UTP15: variants seen among roughly 807,000 people sequenced by gnomAD.
The protein encoded by UTP15 is UTP15 small subunit processome component.
In UTP15, 5 loss-of-function variants were observed where a neutral mutation model predicts 59.1. The ratio of observed to expected loss-of-function variants is 0.08; its 90% CI spans 0.04 to 0.18. The LOEUF (loss-of-function observed/expected upper bound fraction) is 0.18, where lower values mean the gene tolerates loss of function less well. Among genes scored for constraint, UTP15 ranks in the 10% least tolerant of loss-of-function variants. UTP15 has a pLI of 1.00. For missense variants in UTP15, 494 were observed against 616.7 expected (o/e 0.80, Z 2.11); for synonymous variants, 211 against 212.2 (o/e 0.99, Z 0.05).
At chr5:73,568,206 C>G in intron 2 of UTP15, 29 bp from the exon 3 acceptor site, 1 of 1,530,718 alleles carries the variant, frequency 6.5e-7, no homozygotes, top group Non-Finnish European at 8.9e-7. Flanking sequence ...AGTGGTAACT[C>G]TGTTAACACA....
In UTP15 at chr5:73,565,876, C is replaced by G. The variant is rs1217378774; in HGVS notation, c.-120C>G. 1 of 456,272 alleles carries G rather than the reference C, an allele frequency of 2.2e-6. No homozygotes were observed. The highest frequency in any genetic ancestry group is 1.5e-5 in the South Asian group (1 of 64,566). 28.3% of individuals were successfully genotyped at this position (456,272 alleles called of 1,614,324 possible). ...ACAGTCCGATTAATTGTCCTTGGGT[C>G]GAGGTGTCTCGTCGGACCCTTTGGG... On this transcript the variant is annotated 5_prime_UTR_variant, in exon 1 of 13. Coordinates refer to ENST00000296792, the MANE Select transcript of UTP15 (RefSeq NM_032175.4).
chr5:73,579,014 T>C lies in UTP15; in HGVS notation c.1147-3T>C. 1 of 1,606,818 alleles carries C rather than the reference T, an allele frequency of 6.2e-7. No individual in the cohort carries two copies. The highest frequency in any genetic ancestry group is 8.5e-7 in the Non-Finnish European group (1 of 1,175,200). The stretch of plus-strand genomic sequence containing the variant: ...CTCATGTTGACTTTGAAAATTTTTC[T>C]AGCCCACTTGTACAATAAAGACACC... On this transcript the variant is annotated splice_polypyrimidine_tract_variant and splice_region_variant and intron_variant, in intron 10 of 12. Coordinates refer to ENST00000296792, the MANE Select transcript of UTP15 (RefSeq NM_032175.4).
intron 2 of UTP15, 97 bp from the exon 3 acceptor site, chr5:73,568,138 C>A: frequency 2.2e-6 from 2 of 897,790 alleles, no homozygotes; most frequent in Non-Finnish European, 1.6e-6. Context: ...AGAAATGTTA[C>A]TAAGAACAAA....
At chr5:73,572,665 A>G in intron 7 of UTP15, 41 bp downstream of exon 7, 6 of 1,571,348 alleles carry the variant, frequency 3.8e-6, no homozygotes, top group Non-Finnish European at 5.2e-6. Flanking sequence ...ATTAGTGTAC[A>G]CCTGTTTACT....
rs772429935 is a variant in UTP15, at chr5:73,579,319, A to C, written c.1283A>C (p.Asn428Thr). The change falls in exon 12 of 13, where the codon AAT (asparagine) becomes ACT (threonine). Residue 428 changes from asparagine (N) to threonine (T), a missense_variant and splice_region_variant. Transcript: ENST00000296792. ...TAAACTGAATTTTTACTTTGTAGGAATCTTTCTCAGCCAAGATTTGCCCCT... is the reference window on the plus strand; with the variant it reads ...TAAACTGAATTTTTACTTTGTAGGACTCTTTCTCAGCCAAGATTTGCCCCT... Reference protein sequence around the residue: ...ISHVLNFLIRNLSQPRFAPVL... With the variant: ...ISHVLNFLIRTLSQPRFAPVL... The C allele has an allele frequency of 5.6e-6, 9 of 1,608,962 alleles. No individual in the cohort carries two copies. The highest frequency in any genetic ancestry group is 6.8e-6 in the Non-Finnish European group (8 of 1,178,452).
chr5:73,578,744 A>T lies in UTP15; in HGVS notation c.1045-7A>T, dbSNP rs1359903199. On this transcript the variant is annotated splice_region_variant and splice_polypyrimidine_tract_variant and intron_variant, in intron 9 of 12. Coordinates refer to ENST00000296792, the MANE Select transcript of UTP15 (RefSeq NM_032175.4). ...TTCCTTCTCTATAAATGTACTTTTCATTGCAGGATGACATTTTGATTAACA... is the reference window on the plus strand; with the variant it reads ...TTCCTTCTCTATAAATGTACTTTTCTTTGCAGGATGACATTTTGATTAACA... The T allele has an allele frequency of 1.2e-6, 2 of 1,612,270 alleles. No individual in the cohort carries two copies. The highest frequency in any genetic ancestry group is 1.1e-5 in the South Asian group (1 of 91,022).
intron 10 of UTP15, 59 bp downstream of exon 10, chr5:73,578,911 T>C (rs951414410): frequency 6.2e-7 from 1 of 1,600,588 alleles, no homozygotes; most frequent in Non-Finnish European, 8.6e-7. Flanking sequence ...TACCATGACT[T>C]GGAACTGTGA....
In UTP15 at chr5:73,579,724, A is replaced by T. The variant is rs542924487; in HGVS notation, c.1340-153A>T. ...AATTAATTTACTCAGAGGGATTGTT[A>T]TACTTTCTATAAATCATTAATTAAT... On this transcript the variant is annotated intron_variant, in intron 12 of 12. Coordinates refer to ENST00000296792, the MANE Select transcript of UTP15 (RefSeq NM_032175.4). Among the ~76,000 whole-genome samples the T allele has an allele frequency of 4.6e-5, 7 of 152,242 alleles. No individual in the cohort carries two copies. In the South Asian group the frequency reaches 1.5e-3, roughly 32 times the overall value.
chr5:73,569,785 A>G (rs1014946959), intron 5 of UTP15, 110 bp downstream of exon 5: 1 of 868,622 alleles, frequency 1.2e-6, no homozygotes, highest in African/African-American at 1.8e-5. Flanking sequence ...TTATAAAGGA[A>G]TATGTTTCTG....
intron 7 of UTP15, among the ~76,000 whole-genome samples, chr5:73,574,077 CT>C (rs1391522811): frequency 2.0e-5 from 3 of 151,904 alleles, no homozygotes; most frequent in African/African-American, 7.3e-5. Context: ...AATCCCAGTG[CT>C]TTGGGAGGCT....
At chr5:73,569,362 A>G (rs1301367344) in intron 4 of UTP15, 135 bp from the exon 5 acceptor site, 5 of 589,196 alleles carry the variant, frequency 8.5e-6, no homozygotes, top group Non-Finnish European at 1.4e-5. Context: ...TCTTTCTTTC[A>G]TGATTTCCCC....
In UTP15 at chr5:73,583,120, A is replaced by G. The variant is rs1005475959; in HGVS notation, c.*3026A>G. 6.6e-6 allele frequency: 1 copy of G among 152,244 alleles called. No individual in the cohort carries two copies. Among genetic ancestry groups the G allele is most frequent in the African/African-American group, 2.4e-5 (1 of 41,466 alleles). 9.4% of individuals were successfully genotyped at this position (152,244 alleles called of 1,614,324 possible). On this transcript the variant is annotated 3_prime_UTR_variant, in exon 13 of 13. Coordinates refer to ENST00000296792, the MANE Select transcript of UTP15 (RefSeq NM_032175.4). ...GCATTTCATTTTCTAGGAACAAAATACCCTCTTAGACATTAAAAAGCCGCA... is the reference window on the plus strand; with the variant it reads ...GCATTTCATTTTCTAGGAACAAAATGCCCTCTTAGACATTAAAAAGCCGCA...
At position 73,569,505 on chromosome 5, in the gene UTP15, A is replaced by G; in HGVS notation, c.377A>G (p.His126Arg). ...GACCTTCAATCTTTCAGAGCAGTTC[A>G]TACAGTAGATTTTACAGCTGACAAA... is the stretch of plus-strand genomic sequence containing the variant. ...RQFEGHTKAVHTVDFTADKYH... is the reference protein window; with the variant it reads ...RQFEGHTKAVRTVDFTADKYH... Residue 126 changes from histidine (H) to arginine (R), a missense_variant, in exon 5 of 13, where the codon CAT becomes CGT. His to Arg is a conservative substitution (Grantham distance 29). Transcript: ENST00000296792. 6.2e-7 allele frequency: 1 copy of G among 1,606,962 alleles called. No homozygotes were observed. Among genetic ancestry groups the G allele is most frequent in the Non-Finnish European group, 8.5e-7 (1 of 1,176,814 alleles).
intron 11 of UTP15, 33 bp from the exon 12 acceptor site, chr5:73,579,284 C>T (rs549395657): frequency 8.1e-6 from 13 of 1,595,488 alleles, no homozygotes; most frequent in Admixed American, 3.5e-5. Flanking sequence ...TTTAAGTTTA[C>T]AAGTTTCACT....
rs746317036 is a variant in UTP15, at chr5:73,579,916, A to C, written c.1379A>C (p.Asp460Ala). 6.2e-7 allele frequency: 1 copy of C among 1,613,412 alleles called. No individual in the cohort carries two copies. The highest frequency in any genetic ancestry group is 1.7e-5 in the Admixed American group (1 of 59,974). ...GTAATTGGTCAGTCCCCTGTAGTTG[A>C]TAAAAAGTTTTTACTACTTCAAGGA... Reference protein sequence around the residue: ...LPVIGQSPVVDKKFLLLQGLV... With the variant: ...LPVIGQSPVVAKKFLLLQGLV... Residue 460 changes from aspartate (D) to alanine (A), a missense_variant, in exon 13 of 13, where the codon GAT (aspartate) becomes GCT (alanine). Asp to Ala is a moderately radical substitution (Grantham distance 126). Coordinates refer to ENST00000296792, the MANE Select transcript of UTP15 (RefSeq NM_032175.4).
chr5:73,578,979 GT>G (rs758045490), intron 10 of UTP15, 37 bp from the exon 11 acceptor site: 2 of 1,595,794 alleles, frequency 1.3e-6, no homozygotes, highest in East Asian at 4.5e-5. Flanking sequence ...TTTTTGTGCT[GT>G]TTTGTCTACT....
intron 12 of UTP15, 29 bp from the exon 13 acceptor site, chr5:73,579,848 G>A (rs778180614): frequency 2.0e-6 from 3 of 1,485,614 alleles, no homozygotes; most frequent in Non-Finnish European, 2.7e-6. Flanking sequence ...GATATTGCTA[G>A]TTAATGTGTT....
At position 73,581,070 on chromosome 5, in the gene UTP15, T is replaced by TC. The variant is rs1448070796; in HGVS notation, c.*976_*977insC. 10 of 151,596 alleles carry TC rather than the reference T, an allele frequency of 6.6e-5. No homozygotes were observed. Among genetic ancestry groups the TC allele is most frequent in the Admixed American group, 6.6e-4 (10 of 15,196 alleles). 9.4% of individuals were successfully genotyped at this position (151,596 alleles called of 1,614,324 possible). ...TTTTTAGAAGTTTTTTTTTTTTTTT[T>TC]AAAGACAGGGTCTCGCTTTATCGCC... is the stretch of plus-strand genomic sequence containing the variant. On this transcript the variant is annotated 3_prime_UTR_variant, in exon 13 of 13. Coordinates refer to ENST00000296792, the MANE Select transcript of UTP15 (RefSeq NM_032175.4).
chr5:73,577,816 AGTT>A, intron 8 of UTP15, 37 bp from the exon 9 acceptor site: 1 of 1,523,728 alleles, frequency 6.6e-7, no homozygotes, highest in Non-Finnish European at 8.8e-7. Flanking sequence ...ATAAATTACG[AGTT>A]AAGAATAGAC....
Sources: gnomAD v4.1 joint callset for allele counts (sites outside exome capture counted in the v4.1 genomes callset) on GRCh38, gnomAD v4.1.1 for gene constraint, MANE v1.5 for transcripts, NCBI Gene and HGNC (gene_info 2026-07-23, HGNC 2026-07-21) for gene names.